The following ASAP3 variants were observed in gnomAD, a reference collection of about 807,000 sequenced individuals.
ASAP3 encodes ArfGAP with SH3 domain, ankyrin repeat and PH domain 3.
ASAP3 carries 85 observed loss-of-function variants against 118.2 expected under a neutral mutation model. That is an observed-to-expected ratio of 0.72 (90% CI 0.60 to 0.86). The LOEUF is 0.86. Ranked by LOEUF, ASAP3 falls within the 40% of genes least tolerant of loss-of-function variation. The pLI, the probability that ASAP3 is intolerant of heterozygous loss-of-function variation, is 0.00. For missense variants in ASAP3, 1,026 were observed against 1,175.0 expected, an observed-to-expected ratio of 0.87 and a Z score of 1.85; for synonymous variants, 432 against 477.4, an observed-to-expected ratio of 0.90 and a Z score of 1.24.
chr1:23,451,405 C>T, intron 5 of ASAP3, 74 bp downstream of exon 5: 1 of 1,492,150 alleles, frequency 6.7e-7, no homozygotes. Context: ...CATGTCTCGG[C>T]AGCATTTAGG....
chr1:23,453,174 CCT>C (rs1641278337), intron 3 of ASAP3, among the ~76,000 whole-genome samples: 1 of 151,458 alleles, frequency 6.6e-6, no homozygotes, highest in Non-Finnish European at 1.5e-5. Flanking sequence ...CCTCCCTTCT[CCT>C]CTCTGACTCT....
chr1:23,435,624 C>T (rs1313051167), intron 17 of ASAP3: 2 of 594,878 alleles, frequency 3.4e-6, no homozygotes, highest in East Asian at 2.8e-5. Flanking sequence ...AAATGAGACT[C>T]AGAGAAGTAA....
At position 23,435,842 on chromosome 1, in the gene ASAP3, G is replaced by T; in HGVS notation, c.1749+9C>A. On this transcript the variant is annotated intron_variant, in intron 17 of 24. Transcript: ENST00000336689. ...GTGGGTTATAAGTGGCCCTTGGAGGGGTTCTCACCTGTGCATCAGGCCCTG... is the reference window on the plus strand; with the variant it reads ...GTGGGTTATAAGTGGCCCTTGGAGGTGTTCTCACCTGTGCATCAGGCCCTG... 1 of 1,614,224 alleles carries T rather than the reference G, an allele frequency of 6.2e-7. No individual in the cohort carries two copies. Among genetic ancestry groups the T allele is most frequent in the South Asian group, 1.1e-5 (1 of 91,084 alleles).
chr1:23,456,578 A>G (rs1641395488), intron 1 of ASAP3, among the ~76,000 whole-genome samples: 1 of 152,224 alleles, frequency 6.6e-6, no homozygotes, highest in Non-Finnish European at 1.5e-5. Context: ...TGCCTTGTCT[A>G]CAAAATGGGG....
chr1:23,446,557 C>A (rs1641053700), intron 5 of ASAP3, among the ~76,000 whole-genome samples: 1 of 151,794 alleles, frequency 6.6e-6, no homozygotes, highest in South Asian at 2.1e-4. Context: ...CCTGCCTCAG[C>A]CTCCCAAGTA....
chr1:23,431,594 G>T lies in ASAP3; in HGVS notation c.2546+102C>A, dbSNP rs184196478. On this transcript the variant is annotated intron_variant, in intron 23 of 24. Transcript: ENST00000336689. ...AGTGATGGGCCCAGAGATGGCGTGT[G>T]ACCCAGTCTTTAGGCAGGTACTATT... 4.6e-5 allele frequency: 52 copies of T among 1,136,098 alleles called. No homozygotes were observed. The East Asian group carries it at 1.3e-3, about 29-fold the overall frequency. The allele number at this position is 1,136,098 out of a possible 1,614,324, so 70.4% of individuals were successfully genotyped here. A position where few individuals can be genotyped will look rare whatever the true frequency, so the allele number is the denominator to read the frequency against.
At chr1:23,430,635 C>T (rs1467346682) in intron 24 of ASAP3, among the ~76,000 whole-genome samples, 1 of 152,196 alleles carries the variant, frequency 6.6e-6, no homozygotes, top group Non-Finnish European at 1.5e-5. Flanking sequence ...AGCGACTGGC[C>T]TGGCTAACAC....
At chr1:23,466,580 C>T (rs1641776588) in intron 1 of ASAP3, among the ~76,000 whole-genome samples, 1 of 152,144 alleles carries the variant, frequency 6.6e-6, no homozygotes, top group African/African-American at 2.4e-5. Flanking sequence ...GGCAAAAGAC[C>T]ACAGATGGCA....
intron 5 of ASAP3, among the ~76,000 whole-genome samples, chr1:23,445,521 A>G (rs1641022185): frequency 6.6e-6 from 1 of 152,008 alleles, no homozygotes; most frequent in African/African-American, 2.4e-5. Context: ...AGGGAGACCA[A>G]GTGACATCAG....
At position 23,437,482 on chromosome 1, in the gene ASAP3, G is replaced by C. The variant is rs770237539; in HGVS notation, c.1103-10C>G. ...TGGTACGTCCGGTTGTCTGTCGGGA[G>C]AGAAGGGGGCTTCTGACCCACAGAA... On this transcript the variant is annotated splice_polypyrimidine_tract_variant and intron_variant, in intron 12 of 24. Coordinates refer to ENST00000336689, the MANE Select transcript of ASAP3 (RefSeq NM_017707.4). The surrounding 1 kb of genome is among the most constrained non-coding windows in gnomAD (Gnocchi z 6.1). 1.9e-5 allele frequency: 31 copies of C among 1,613,966 alleles called. No individual in the cohort carries two copies. Among genetic ancestry groups the C allele is most frequent in the Non-Finnish European group, 1.1e-5 (13 of 1,179,994 alleles).
Position 23,438,242 on chromosome 1 carries a change from A to G in ASAP3, c.1102+505T>C, listed in dbSNP as rs909046733. ...GCTCCCTAATCTTCTATGGGGCTATATCTGCACCCATCTTCTGGACAGCCC... is the reference window on the plus strand; with the variant it reads ...GCTCCCTAATCTTCTATGGGGCTATGTCTGCACCCATCTTCTGGACAGCCC... On this transcript the variant is annotated intron_variant, in intron 12 of 24. Coordinates refer to ENST00000336689, the MANE Select transcript of ASAP3 (RefSeq NM_017707.4). This position sits in a 1 kb window ranked among gnomAD's most constrained non-coding sequence, Gnocchi z 4.9. Among the ~76,000 whole-genome samples the G allele has an allele frequency of 6.6e-6, 1 of 152,126 alleles. No homozygotes were observed. The highest frequency in any genetic ancestry group is 1.5e-5 in the Non-Finnish European group (1 of 68,018).
Position 23,431,721 on chromosome 1 carries a change from C to G in ASAP3, c.2521G>C (p.Glu841Gln). The change falls in exon 23 of 25, where the codon GAG becomes CAG. Residue 841 changes from glutamate to glutamine, a missense_variant. Coordinates refer to ENST00000336689, the MANE Select transcript of ASAP3 (RefSeq NM_017707.4). ...PSLTSGTTPS[E>Q]MYLPVRFSSE... ...CTGAATCTGACGGGGAGGTACATCT[C>G]CGAAGGGGTGGTCCCGGATGTCAGG... 6.6e-7 allele frequency: 1 copy of G among 1,522,376 alleles called. No homozygotes were observed. The highest frequency in any genetic ancestry group is 8.8e-7 in the Non-Finnish European group (1 of 1,140,514). 94.3% of individuals were successfully genotyped at this position (1,522,376 alleles called of 1,614,324 possible).
intron 1 of ASAP3, among the ~76,000 whole-genome samples, chr1:23,477,428 C>A (rs939084483): frequency 1.4e-5 from 2 of 148,090 alleles, no homozygotes; most frequent in Non-Finnish European, 3.0e-5. Context: ...GAGGGGCACA[C>A]GTGGAGGTGA....
Position 23,431,031 on chromosome 1 carries a change from C to A in ASAP3, c.2637+4G>T. 1 of 1,572,152 alleles carries A rather than the reference C, an allele frequency of 6.4e-7. No homozygotes were observed. Among genetic ancestry groups the A allele is most frequent in the South Asian group, 1.2e-5 (1 of 83,252 alleles). ...CCCTCAAACCATGGTCCCAGAGTTC[C>A]TACCGGCACGTTCCTTCTGGGCAGA... On this transcript the variant is annotated splice_donor_region_variant and intron_variant, in intron 24 of 24. Transcript: ENST00000336689.
At chr1:23,461,970 G>C (rs1211686590) in intron 1 of ASAP3, among the ~76,000 whole-genome samples, 1 of 151,884 alleles carries the variant, frequency 6.6e-6, no homozygotes, top group Non-Finnish European at 1.5e-5. Context: ...GCTGAAACTA[G>C]CTCTAACTGG....
At chr1:23,444,108 A>T (rs1640968263) in intron 5 of ASAP3, among the ~76,000 whole-genome samples, 1 of 152,110 alleles carries the variant, frequency 6.6e-6, no homozygotes, top group Admixed American at 6.6e-5. Context: ...GCCTCAAGTG[A>T]TCTGTCCACC....
chr1:23,457,272 G>A (rs1021286591), intron 1 of ASAP3, among the ~76,000 whole-genome samples: 2 of 152,110 alleles, frequency 1.3e-5, no homozygotes, highest in Non-Finnish European at 2.9e-5. Context: ...GTTCTTCCCA[G>A]TGACAAAAAT....
intron 1 of ASAP3, among the ~76,000 whole-genome samples, chr1:23,481,193 A>T (rs546681378): frequency 2.3e-4 from 35 of 152,272 alleles, no homozygotes; most frequent in African/African-American, 8.4e-4. Flanking sequence ...AGGGTCCCTC[A>T]GCCCTGACAT....
chr1:23,431,128 G>A lies in ASAP3; in HGVS notation c.2547-3C>T. Reference sequence around the variant, plus strand: ...GATAGGAGCGAGTGCTCTCGGAGCTGGAAGGCAGGGAAAGGCCAACATGAC... The same window carrying A: ...GATAGGAGCGAGTGCTCTCGGAGCTAGAAGGCAGGGAAAGGCCAACATGAC... On this transcript the variant is annotated splice_region_variant and splice_polypyrimidine_tract_variant and intron_variant, in intron 23 of 24. Coordinates refer to ENST00000336689, the MANE Select transcript of ASAP3 (RefSeq NM_017707.4). 6.3e-7 allele frequency: 1 copy of A among 1,578,044 alleles called. No homozygotes were observed. Among genetic ancestry groups the A allele is most frequent in the African/African-American group, 1.3e-5 (1 of 74,490 alleles).
Sources: gnomAD v4.1 joint callset for allele counts (sites outside exome capture counted in the v4.1 genomes callset) on GRCh38, gnomAD v4.1.1 for gene constraint, Gnocchi (gnomAD v3.1) non-coding constraint, MANE v1.5 for transcripts, NCBI Gene and HGNC (gene_info 2026-07-23, HGNC 2026-07-21) for gene names.